Variants in CD1B observed in about 807,000 individuals in gnomAD.
The protein encoded by CD1B is T-cell surface glycoprotein CD1b.
Under a neutral mutation model 39.8 loss-of-function variants are expected in CD1B, and 43 were observed. That is an observed-to-expected ratio of 1.08 (90% confidence interval 0.85 to 1.39). The LOEUF (loss-of-function observed/expected upper bound fraction) is 1.39, where lower values mean the gene tolerates loss of function less well. CD1B is among the 40% of genes most tolerant of loss of function. The pLI is 0.00. For missense variants in CD1B, 495 were observed against 403.8 expected, an observed-to-expected ratio of 1.23 and a Z score of -1.94; for synonymous variants, 192 against 152.5, an observed-to-expected ratio of 1.26 and a Z score of -1.91.
the CD1B span, among the ~76,000 whole-genome samples, chr1:158,311,287 A>T: frequency 6.6e-6 from 1 of 152,100 alleles, no homozygotes; most frequent in Non-Finnish European, 1.5e-5. Flanking sequence ...AGTCATGTTG[A>T]GCATATTATA....
In CD1B at chr1:158,328,187, T is replaced by C. The variant is rs1557820392; in HGVS notation, c.*49A>G. ...AAGATTGACTTTTGGGCTGATATCT[T>C]GGGCTTCTTGGTACTTATTGCGAAT... On this transcript the variant is annotated 3_prime_UTR_variant, in exon 6 of 6. Coordinates refer to ENST00000368168, the MANE Select transcript of CD1B (RefSeq NM_001764.3). 1 of 1,476,504 alleles carries C rather than the reference T, an allele frequency of 6.8e-7. No homozygotes were observed. The highest frequency in any genetic ancestry group is 1.2e-5 in the South Asian group (1 of 84,902). The allele number at this position is 1,476,504 out of a possible 1,614,324, so 91.5% of individuals were successfully genotyped here.
the CD1B span, among the ~76,000 whole-genome samples, chr1:158,296,326 G>A: frequency 1.3e-5 from 2 of 152,176 alleles, no homozygotes; most frequent in South Asian, 2.1e-4. Context: ...TAGCCCAGGA[G>A]TGCTGAGCTG....
the CD1B span, among the ~76,000 whole-genome samples, chr1:158,316,994 C>G: frequency 6.6e-6 from 1 of 151,190 alleles, no homozygotes; most frequent in African/African-American, 2.4e-5. Context: ...AGCCTTGCAT[C>G]CCAGGGATGA....
chr1:158,305,880 C>A, the CD1B span, among the ~76,000 whole-genome samples: 1 of 152,144 alleles, frequency 6.6e-6, no homozygotes, highest in Non-Finnish European at 1.5e-5. Flanking sequence ...CAAGCAAATG[C>A]TGAGAGATTT....
At chr1:158,287,555 C>T in the CD1B span, among the ~76,000 whole-genome samples, 1 of 152,020 alleles carries the variant, frequency 6.6e-6, no homozygotes, top group African/African-American at 2.4e-5. Context: ...AAGGCCACTC[C>T]ATTTAGGGTC....
chr1:158,303,534 G>C, the CD1B span, among the ~76,000 whole-genome samples: 2 of 152,178 alleles, frequency 1.3e-5, no homozygotes, highest in Non-Finnish European at 2.9e-5. Context: ...CATAGTCTCT[G>C]TGCAAAGGGT....
At chr1:158,312,698 A>G in the CD1B span, among the ~76,000 whole-genome samples, 4 of 152,336 alleles carry the variant, frequency 2.6e-5, no homozygotes, top group East Asian at 7.7e-4. Flanking sequence ...TTGTATATGC[A>G]TTTAATATCC....
At chr1:158,307,991 T>C in the CD1B span, among the ~76,000 whole-genome samples, 4 of 152,074 alleles carry the variant, frequency 2.6e-5, no homozygotes, top group African/African-American at 4.8e-5. Flanking sequence ...CCAGGGCAAT[T>C]AGGCAGGAGA....
chr1:158,325,741 C>T (rs1652327381), downstream of CD1B, among the ~76,000 whole-genome samples: 1 of 151,960 alleles, frequency 6.6e-6, no homozygotes. Flanking sequence ...GTAAAATACA[C>T]ATATATAAGA....
the CD1B span, chr1:158,291,519 A>T: frequency 9.8e-7 from 1 of 1,018,606 alleles, no homozygotes; most frequent in Non-Finnish European, 1.5e-6. Context: ...TTCTGCATAG[A>T]TGAACCTTTT....
chr1:158,291,345 C>T, the CD1B span: 3 of 1,614,078 alleles, frequency 1.9e-6, no homozygotes, highest in Middle Eastern at 1.6e-4. Context: ...TTCGTTTCTA[C>T]CTCTTTGGAT....
rs1487495136 is a variant in CD1B, at chr1:158,331,417, G to A, written c.7C>T (p.Leu3=). ML[L]LPFQLLAVLF... is the part of the protein sequence containing the mutation. ...ACAGCTAACAGTTGAAATGGCAGCA[G>A]CAGCATTTCACTGGGAGATGCAACT... The change falls in exon 1 of 6, where the codon CTG becomes TTG. Residue 3 remains leucine, a synonymous_variant. Transcript: ENST00000368168. The A allele has an allele frequency of 8.7e-6, 14 of 1,613,542 alleles. No homozygotes were observed. Among genetic ancestry groups the A allele is most frequent in the Non-Finnish European group, 1.2e-5 (14 of 1,179,608 alleles).
the CD1B span, among the ~76,000 whole-genome samples, chr1:158,318,567 G>T: frequency 1.3e-5 from 2 of 152,140 alleles, no homozygotes; most frequent in Non-Finnish European, 2.9e-5. Context: ...CTCTGCACGT[G>T]AGATGGGTTT....
Position 158,330,887 on chromosome 1 carries a change from C to G in CD1B, c.237G>C (p.Lys79Asn). 1 of 1,614,072 alleles carries G rather than the reference C, an allele frequency of 6.2e-7. No homozygotes were observed. The highest frequency in any genetic ancestry group is 8.5e-7 in the Non-Finnish European group (1 of 1,179,922). Residue 79 changes from lysine to asparagine, a missense_variant, in exon 2 of 6, where the codon AAG becomes AAC. By Grantham distance (94) the Lys-to-Asn change is moderately conservative. Transcript: ENST00000368168. ...KPWSKGNFSD[K>N]EVAELEEIFR... ...ATATCTCCTCTAACTCAGCAACCTC[C>G]TTATCACTAAAGTTACCTTTAGACC...
At chr1:158,326,791 T>C (rs150733163), downstream of CD1B, among the ~76,000 whole-genome samples, 258 of 151,888 alleles carry the variant, frequency 1.7e-3, no homozygotes, top group African/African-American at 5.8e-3. Context: ...TATAAAATTA[T>C]TATTATTATT....
downstream of CD1B, among the ~76,000 whole-genome samples, chr1:158,324,126 G>T (rs1426467580): frequency 6.6e-6 from 1 of 152,200 alleles, no homozygotes; most frequent in Non-Finnish European, 1.5e-5. Flanking sequence ...CAAGTTATTA[G>T]TGTGCATGAT....
chr1:158,313,406 G>A, the CD1B span, among the ~76,000 whole-genome samples: 1 of 152,134 alleles, frequency 6.6e-6, no homozygotes, highest in Non-Finnish European at 1.5e-5. Flanking sequence ...AACCTCCTGG[G>A]CTTGGGTGAT....
rs1652598499 is a variant in CD1B at position 158,331,388 on chromosome 1, G to T, written c.36C>A (p.Leu12=). Residue 12 remains leucine (L), a synonymous_variant, in exon 1 of 6, where the codon CTC becomes CTA. Transcript: ENST00000368168. ...LLLPFQLLAV[L]FPGGNSEHAF... Reference sequence around the variant, plus strand: ...CATGTTCACTGTTACCACCAGGAAAGAGAACAGCTAACAGTTGAAATGGCA... The same window carrying T: ...CATGTTCACTGTTACCACCAGGAAATAGAACAGCTAACAGTTGAAATGGCA... 5 of 1,614,056 alleles carry T rather than the reference G, an allele frequency of 3.1e-6. No individual in the cohort carries two copies. The highest frequency in any genetic ancestry group is 1.6e-4 in the Middle Eastern group (1 of 6,062).
At chr1:158,322,154 AT>A in the CD1B span, among the ~76,000 whole-genome samples, 2 of 152,072 alleles carry the variant, frequency 1.3e-5, no homozygotes, top group African/African-American at 4.8e-5. Context: ...AGAGCTTTGT[AT>A]TTTTGTATTC....
Sources: allele counts gnomAD v4.1 joint callset (sites outside exome capture counted in the v4.1 genomes callset), GRCh38; gene constraint gnomAD v4.1.1; transcripts MANE v1.5; gene names NCBI Gene and HGNC (gene_info 2026-07-23, HGNC 2026-07-21).